Variants in CYSLTR1 observed in about 807,000 individuals in gnomAD.
CYSLTR1 encodes the protein G-protein coupled receptor HG55.
In CYSLTR1, 1 loss-of-function variant was observed where a neutral mutation model predicts 2.1. The ratio of observed to expected loss-of-function variants is 0.48; its 90% CI spans 0.17 to 2.28. The LOEUF (loss-of-function observed/expected upper bound fraction) is 2.28. CYSLTR1 is among the 30% of genes most tolerant of loss of function. The pLI is 0.26. For synonymous variants in CYSLTR1, 110 were observed against 89.6 expected, an observed-to-expected ratio of 1.23 and a Z score of -1.28; for missense variants, 299 against 250.1, an observed-to-expected ratio of 1.20 and a Z score of -1.32.
At chrX:78,324,732 T>A (rs1454839844) in intron 1 of CYSLTR1, among the ~76,000 whole-genome samples, 4 of 112,103 alleles carry the variant, frequency 3.6e-5, no homozygotes, top group African/African-American at 1.3e-4. Flanking sequence ...TTTGTAGGGT[T>A]GACTAATATA....
intron 1 of CYSLTR1, among the ~76,000 whole-genome samples, chrX:78,326,094 G>A (rs1320827808): frequency 8.9e-6 from 1 of 111,851 alleles, no homozygotes; most frequent in Non-Finnish European, 1.9e-5. Flanking sequence ...ATTGGCTGGT[G>A]TAGTCAATAC....
intron 2 of CYSLTR1, among the ~76,000 whole-genome samples, chrX:78,280,297 T>C (rs1176372359): frequency 1.8e-5 from 2 of 111,648 alleles, no homozygotes; most frequent in Non-Finnish European, 3.8e-5. Context: ...ATGTCAAGTG[T>C]TTTTTCTAAA....
chrX:78,303,625 A>G (rs372645854), intron 1 of CYSLTR1, among the ~76,000 whole-genome samples: 20 of 111,732 alleles, frequency 1.8e-4, no homozygotes, highest in African/African-American at 5.2e-4. Context: ...TGTATGTAGT[A>G]CAGTGCCCTT....
intron 1 of CYSLTR1, among the ~76,000 whole-genome samples, chrX:78,316,877 A>C (rs1003975018): frequency 8.9e-6 from 1 of 111,967 alleles, no homozygotes; most frequent in Non-Finnish European, 1.9e-5. Flanking sequence ...CAAAACCATA[A>C]AAACTCTAAA....
At chrX:78,284,374 T>G (rs1188441243) in intron 1 of CYSLTR1, among the ~76,000 whole-genome samples, 2 of 111,352 alleles carry the variant, frequency 1.8e-5, no homozygotes, top group Non-Finnish European at 3.8e-5. Flanking sequence ...TTTCCTTCAG[T>G]TTATTCTTTT....
At chrX:78,305,760 G>C (rs1225749513) in intron 1 of CYSLTR1, among the ~76,000 whole-genome samples, 1 of 112,631 alleles carries the variant, frequency 8.9e-6, no homozygotes, top group Non-Finnish European at 1.9e-5. Flanking sequence ...GGGTTATTTT[G>C]CTTAGCATAA....
intron 1 of CYSLTR1, among the ~76,000 whole-genome samples, chrX:78,315,954 T>TA (rs1923400952): frequency 8.9e-6 from 1 of 112,070 alleles, no homozygotes; most frequent in South Asian, 3.7e-4. Context: ...CCTGGGGTGA[T>TA]ACCCAGTGCT....
intron 1 of CYSLTR1, among the ~76,000 whole-genome samples, chrX:78,295,280 G>A (rs1922527894): frequency 9.0e-6 from 1 of 110,545 alleles, no homozygotes; most frequent in African/African-American, 3.3e-5. Flanking sequence ...TTCAGCTGTT[G>A]ATGGACCTTT....
intron 1 of CYSLTR1, among the ~76,000 whole-genome samples, chrX:78,303,626 C>A (rs1190422463): frequency 9.0e-6 from 1 of 111,536 alleles, no homozygotes; most frequent in Admixed American, 9.5e-5. Context: ...GTATGTAGTA[C>A]AGTGCCCTTT....
At chrX:78,295,889 T>C (rs1285400754) in intron 1 of CYSLTR1, among the ~76,000 whole-genome samples, 2 of 111,485 alleles carry the variant, frequency 1.8e-5, no homozygotes, top group East Asian at 5.6e-4. Flanking sequence ...ATGTAGAAGA[T>C]TTTTAACTTG....
chrX:78,280,079 C>A (rs1276244983), intron 2 of CYSLTR1, among the ~76,000 whole-genome samples: 2 of 110,604 alleles, frequency 1.8e-5, no homozygotes, highest in African/African-American at 6.6e-5. Flanking sequence ...AACAAACCTG[C>A]ACATGTAGCC....
At chrX:78,315,761 A>G in intron 1 of CYSLTR1, among the ~76,000 whole-genome samples, 1 of 112,268 alleles carries the variant, frequency 8.9e-6, no homozygotes, top group Non-Finnish European at 1.9e-5. Context: ...CCAGGTAGAC[A>G]TCTAAGCATT....
chrX:78,276,896 C>A (rs1056836306), intron 2 of CYSLTR1, among the ~76,000 whole-genome samples: 1 of 110,911 alleles, frequency 9.0e-6, no homozygotes, highest in Non-Finnish European at 1.9e-5. Flanking sequence ...TACTAAGACT[C>A]ATTCCTGGCC....
At chrX:78,316,035 G>A (rs1923404001) in intron 1 of CYSLTR1, among the ~76,000 whole-genome samples, 1 of 112,412 alleles carries the variant, frequency 8.9e-6, no homozygotes, top group African/African-American at 3.2e-5. Context: ...TCAGCTTTAG[G>A]TGGTTCACGA....
rs1921291812 is a variant in CYSLTR1, at chrX:78,272,211, G to T, written c.*522C>A. On this transcript the variant is annotated 3_prime_UTR_variant, in exon 3 of 3. Transcript: ENST00000373304. ...CTTTTGGAAGAAATGGCCCTAATTT[G>T]CCTAGCGAATCAGTACTACAAAGAA... The T allele has an allele frequency of 1.8e-5, 2 of 111,614 alleles. No individual in the cohort carries two copies. Among genetic ancestry groups the T allele is most frequent in the Non-Finnish European group, 1.9e-5 (1 of 53,148 alleles). The allele number at this position is 111,614 out of a possible 1,213,427, so 9.2% of individuals were successfully genotyped here.
intron 1 of CYSLTR1, among the ~76,000 whole-genome samples, chrX:78,285,061 A>AT (rs201232270): frequency 5.4e-5 from 6 of 110,748 alleles, no homozygotes; most frequent in East Asian, 2.8e-4. Context: ...CAATAAACAT[A>AT]TTTTTTTTAA....
intron 1 of CYSLTR1, among the ~76,000 whole-genome samples, chrX:78,302,233 T>C (rs1484410615): frequency 8.9e-6 from 1 of 112,373 alleles, no homozygotes; most frequent in African/African-American, 3.2e-5. Context: ...CTACTGTCAA[T>C]GTTCCCTTAA....
At chrX:78,301,038 G>A (rs1287206755) in intron 1 of CYSLTR1, among the ~76,000 whole-genome samples, 2 of 112,509 alleles carry the variant, frequency 1.8e-5, no homozygotes, top group Non-Finnish European at 3.8e-5. Flanking sequence ...GCTGTACCTC[G>A]GCTCCTTTTA....
chrX:78,292,539 C>G (rs1379554581), intron 1 of CYSLTR1, among the ~76,000 whole-genome samples: 1 of 111,617 alleles, frequency 9.0e-6, no homozygotes, highest in Non-Finnish European at 1.9e-5. Flanking sequence ...CATTCTGTCT[C>G]ATTGATCTGT....
Sources: allele counts gnomAD v4.1 joint callset (sites outside exome capture counted in the v4.1 genomes callset), GRCh38; gene constraint gnomAD v4.1.1; transcripts MANE v1.5; gene names NCBI Gene and HGNC (gene_info 2026-07-23, HGNC 2026-07-21).